NEDD9: variants seen among roughly 807,000 people sequenced by gnomAD.
The protein encoded by NEDD9 is enhancer of filamentation 1.
In NEDD9, 26 loss-of-function variants were observed where a neutral mutation model predicts 76.6. That is an observed-to-expected ratio of 0.34 (90% CI 0.25 to 0.47). The LOEUF is 0.47. Among genes scored for constraint, NEDD9 ranks in the 20% least tolerant of loss-of-function variants. The probability of loss-of-function intolerance (pLI) is 1.00; values close to 1 mark genes in which losing one functional copy is unlikely to be tolerated. For missense variants in NEDD9, 937 were observed against 1,058.5 expected (o/e 0.89, Z 1.59); for synonymous variants, 392 against 414.2 (o/e 0.95, Z 0.65).
At chr6:11,261,135 TC>T (rs1337037198) in intron 3 of NEDD9, among the ~76,000 whole-genome samples, 1 of 152,184 alleles carries the variant, frequency 6.6e-6, no homozygotes, top group Non-Finnish European at 1.5e-5. Context: ...GGACTGAGCA[TC>T]CCTGAGTACC....
chr6:11,189,818 A>G lies in NEDD9; in HGVS notation c.1905+146T>C, dbSNP rs181625323. The G allele has an allele frequency of 6.1e-4, 640 of 1,049,148 alleles. 1 individual carries two copies. Among genetic ancestry groups the G allele is most frequent in the Non-Finnish European group, 7.8e-4 (585 of 745,916 alleles). The allele number at this position is 1,049,148 out of a possible 1,614,324, so 65.0% of individuals were successfully genotyped here. A position where few individuals can be genotyped will look rare whatever the true frequency, so the allele number is the denominator to read the frequency against. On this transcript the variant is annotated intron_variant, in intron 5 of 6. Coordinates refer to ENST00000379446, the MANE Select transcript of NEDD9 (RefSeq NM_006403.4). ...AGCCCAGCGTTCTTACTACTCTACGACACTCCCTCCAATTTGTGAACCATG... is the reference window on the plus strand; with the variant it reads ...AGCCCAGCGTTCTTACTACTCTACGGCACTCCCTCCAATTTGTGAACCATG...
chr6:11,337,149 C>A (rs1015301851), intron 1 of NEDD9, among the ~76,000 whole-genome samples: 13 of 152,088 alleles, frequency 8.5e-5, no homozygotes, highest in Admixed American at 6.6e-4. Flanking sequence ...ACCCAGGAGG[C>A]GGAGGTTGCA....
chr6:11,300,241 C>A (rs1761013027), intron 3 of NEDD9, among the ~76,000 whole-genome samples: 1 of 151,922 alleles, frequency 6.6e-6, no homozygotes, highest in Non-Finnish European at 1.5e-5. Flanking sequence ...CCTATTCGAT[C>A]AAGTGGAAGA....
chr6:11,365,271 C>T (rs1364082552), intron 1 of NEDD9, among the ~76,000 whole-genome samples: 1 of 152,154 alleles, frequency 6.6e-6, no homozygotes, highest in Admixed American at 6.5e-5. Flanking sequence ...TTCCATAGAC[C>T]TATTCTTGTC....
rs1487735664 is a variant in NEDD9, at chr6:11,185,313, T to C, written c.2354A>G (p.Glu785Gly). 6.2e-7 allele frequency: 1 copy of C among 1,614,076 alleles called. No homozygotes were observed. The highest frequency in any genetic ancestry group is 2.2e-5 in the East Asian group (1 of 44,888). The change falls in exon 7 of 7, where the codon GAG becomes GGG. Residue 785 changes from glutamate to glycine, a missense_variant. Coordinates refer to ENST00000379446, the MANE Select transcript of NEDD9 (RefSeq NM_006403.4). Reference sequence around the variant, plus strand: ...TGCCATGACTATGGTCTTGAGCTGCTCGCAGAGCTGGTTGCTGGAGTTCAT... The same window carrying C: ...TGCCATGACTATGGTCTTGAGCTGCCCGCAGAGCTGGTTGCTGGAGTTCAT... ...KVMNSSNQLC[E>G]QLKTIVMATK...
chr6:11,216,744 T>G (rs2182335), intron 1 of NEDD9, among the ~76,000 whole-genome samples: 35,022 of 152,202 alleles, frequency 0.23, 5,324 homozygotes, highest in East Asian at 0.6. Context: ...TTATTTAATT[T>G]GCTAGATGGC....
rs148153203 is a variant in NEDD9, at chr6:11,370,122, A to G, written c.-214+12017T>C. Among the ~76,000 whole-genome samples the G allele has an allele frequency of 1.6e-3, 245 of 152,332 alleles. 4 individuals are homozygous for G. The East Asian group carries it at 0.04, about 25-fold the overall frequency. ...ATATAAAGAGTCTTTTCCCTAAGGAACATTTCGTTTAATGATGAAATAGAC... is the reference window on the plus strand; with the variant it reads ...ATATAAAGAGTCTTTTCCCTAAGGAGCATTTCGTTTAATGATGAAATAGAC... On this transcript the variant is annotated intron_variant, in intron 1 of 3. Coordinates refer to the NEDD9 transcript ENST00000397378. This position sits in a 1 kb window ranked among gnomAD's most constrained non-coding sequence, Gnocchi z 4.2.
At chr6:11,209,510 A>G (rs1316118948) in intron 2 of NEDD9, among the ~76,000 whole-genome samples, 6 of 152,228 alleles carry the variant, frequency 3.9e-5, no homozygotes, top group African/African-American at 9.6e-5. Flanking sequence ...AAGAAACACA[A>G]CAGGGCTGAT....
At chr6:11,314,023 A>C (rs561092714) in intron 2 of NEDD9, among the ~76,000 whole-genome samples, 1 of 152,210 alleles carries the variant, frequency 6.6e-6, no homozygotes, top group African/African-American at 2.4e-5. Flanking sequence ...ATTTTTTTCT[A>C]GTAAAGGAAC....
intron 1 of NEDD9, among the ~76,000 whole-genome samples, chr6:11,214,037 A>C (rs1447916307): frequency 6.6e-6 from 1 of 152,252 alleles, no homozygotes; most frequent in Non-Finnish European, 1.5e-5. Flanking sequence ...AGCATGGTTC[A>C]CTATACAAAA....
chr6:11,203,155 G>A (rs543217262), intron 2 of NEDD9, among the ~76,000 whole-genome samples: 1 of 152,342 alleles, frequency 6.6e-6, no homozygotes, highest in African/African-American at 2.4e-5. Flanking sequence ...GGGAAATGAC[G>A]TCTGGGTTTC....
At chr6:11,365,498 C>A (rs559334909) in intron 1 of NEDD9, among the ~76,000 whole-genome samples, 2 of 152,280 alleles carry the variant, frequency 1.3e-5, no homozygotes, top group African/African-American at 4.8e-5. Flanking sequence ...AGCAAAGCTT[C>A]TTATGTATAG....
intron 3 of NEDD9, among the ~76,000 whole-genome samples, chr6:11,291,188 T>G (rs935142422): frequency 6.6e-6 from 1 of 151,770 alleles, no homozygotes; most frequent in Non-Finnish European, 1.5e-5. Context: ...TGCAGCACTA[T>G]CCTCGTGAAG....
At chr6:11,203,345 C>T (rs1048699773) in intron 2 of NEDD9, among the ~76,000 whole-genome samples, 2 of 152,166 alleles carry the variant, frequency 1.3e-5, no homozygotes, top group Non-Finnish European at 2.9e-5. Context: ...ACTCTGAGCG[C>T]TACATCTAGA....
intron 1 of NEDD9, among the ~76,000 whole-genome samples, chr6:11,349,856 C>T (rs1321646882): frequency 2.0e-5 from 3 of 152,168 alleles, no homozygotes; most frequent in Non-Finnish European, 4.4e-5. Context: ...ATAATCTATA[C>T]AAAATCCCTC....
intron 3 of NEDD9, among the ~76,000 whole-genome samples, chr6:11,296,045 A>G (rs1187045030): frequency 1.3e-5 from 2 of 152,144 alleles, no homozygotes; most frequent in East Asian, 1.9e-4. Context: ...CCCTAATCCA[A>G]TATGACAGGA....
chr6:11,302,294 C>A (rs1464672675), intron 3 of NEDD9, among the ~76,000 whole-genome samples: 5 of 152,192 alleles, frequency 3.3e-5, no homozygotes, highest in Non-Finnish European at 7.3e-5. Context: ...TGGACACATA[C>A]ACTCTCTCAA....
chr6:11,375,293 A>G (rs770568645), intron 1 of NEDD9, among the ~76,000 whole-genome samples: 1 of 152,264 alleles, frequency 6.6e-6, no homozygotes, highest in African/African-American at 2.4e-5. Flanking sequence ...AAGAATGCTT[A>G]TGTATGATTA....
intron 3 of NEDD9, among the ~76,000 whole-genome samples, chr6:11,284,868 A>T (rs1345747182): frequency 6.6e-6 from 1 of 151,668 alleles, no homozygotes; most frequent in African/African-American, 2.4e-5. Context: ...CTTATATGAC[A>T]AGAATAGTTC....
Sources: gnomAD v4.1 joint callset for allele counts (sites outside exome capture counted in the v4.1 genomes callset) on GRCh38, gnomAD v4.1.1 for gene constraint, Gnocchi (gnomAD v3.1) non-coding constraint, MANE v1.5 for transcripts, NCBI Gene and HGNC (gene_info 2026-07-23, HGNC 2026-07-21) for gene names.